Variants in DCP2 observed in about 807,000 individuals in gnomAD.
DCP2 encodes the protein m7GpppN-mRNA hydrolase.
In DCP2, 30 loss-of-function variants were observed where a neutral mutation model predicts 56.1. The observed-to-expected ratio is 0.53, with a 90% CI of 0.40 to 0.73. DCP2 has a LOEUF of 0.73. Ranked by LOEUF, DCP2 falls within the 30% of genes least tolerant of loss-of-function variation. The pLI is 0.00. For missense variants in DCP2, 533 were observed against 502.7 expected (o/e 1.06, Z -0.58); for synonymous variants, 197 against 163.3 (o/e 1.21, Z -1.57).
chr5:113,013,144 G>T (rs964635651), intron 10 of DCP2, among the ~76,000 whole-genome samples, 177 bp from the exon 11 acceptor site: 1 of 152,140 alleles, frequency 6.6e-6, no homozygotes, highest in African/African-American at 2.4e-5. Context: ...TGAAAATGCA[G>T]TTGACCACCA....
At position 113,007,982 on chromosome 5, in the gene DCP2, A is replaced by G; in HGVS notation, c.987A>G (p.Ser329=). Residue 329 remains serine (S), a synonymous_variant, in exon 9 of 11, where the codon TCA becomes TCG. Transcript: ENST00000389063. ...ATGGCAGAAAACAGTATCAAGATTC[A>G]CCTAATCAAAAGAAAAGAACAAATG... is the stretch of plus-strand genomic sequence containing the variant. ...RGNGRKQYQD[S]PNQKKRTNGL... is the part of the protein sequence containing the mutation. The G allele has an allele frequency of 6.2e-7, 1 of 1,614,078 alleles. No homozygotes were observed. The highest frequency in any genetic ancestry group is 1.1e-5 in the South Asian group (1 of 91,076).
At chr5:113,000,626 G>A (rs1749132831) in intron 4 of DCP2, among the ~76,000 whole-genome samples, 1 of 152,044 alleles carries the variant, frequency 6.6e-6, no homozygotes, top group Non-Finnish European at 1.5e-5. Context: ...TAGTTTCGAA[G>A]GAAAGGAAAA....
At chr5:113,004,473 T>C (rs1230487075) in intron 8 of DCP2, among the ~76,000 whole-genome samples, 1 of 152,250 alleles carries the variant, frequency 6.6e-6, no homozygotes, top group Admixed American at 6.5e-5. Context: ...TATTAATACT[T>C]GTTTTCCTTT....
intron 1 of DCP2, among the ~76,000 whole-genome samples, chr5:112,978,839 T>TATTTAG (rs1030978771): frequency 2.2e-4 from 33 of 152,322 alleles, no homozygotes; most frequent in African/African-American, 6.7e-4. Context: ...AAATTGAAGA[T>TATTTAG]AAGTATTTAG....
chr5:113,000,285 C>G (rs1020110361), intron 4 of DCP2, among the ~76,000 whole-genome samples: 2 of 151,874 alleles, frequency 1.3e-5, no homozygotes, highest in Non-Finnish European at 2.9e-5. Flanking sequence ...AATTACTGGT[C>G]TCGAACACCT....
intron 4 of DCP2, 49 bp from the exon 5 acceptor site, chr5:113,001,035 G>C (rs1432681613): frequency 6.6e-7 from 1 of 1,523,598 alleles, no homozygotes; most frequent in Non-Finnish European, 8.8e-7. Context: ...TAATGAACTA[G>C]AGGCCTAAGA....
intron 8 of DCP2, among the ~76,000 whole-genome samples, chr5:113,005,304 C>T (rs1202647920): frequency 6.6e-6 from 1 of 152,074 alleles, no homozygotes; most frequent in Admixed American, 6.5e-5. Flanking sequence ...GTAAAGAATT[C>T]TTAGAACTCA....
chr5:113,007,990 A>C lies in DCP2; in HGVS notation c.995A>C (p.Gln332Pro). The C allele has an allele frequency of 6.2e-7, 1 of 1,614,104 alleles. No homozygotes were observed. The highest frequency in any genetic ancestry group is 8.5e-7 in the Non-Finnish European group (1 of 1,179,958). ...AAACAGTATCAAGATTCACCTAATCAAAAGAAAAGAACAAATGGGCTTCAG... is the reference window on the plus strand; with the variant it reads ...AAACAGTATCAAGATTCACCTAATCCAAAGAAAAGAACAAATGGGCTTCAG... The part of the protein sequence containing the change: ...GRKQYQDSPN[Q>P]KKRTNGLQPA... The change falls in exon 9 of 11, where the codon CAA (glutamine) becomes CCA (proline). Residue 332 changes from glutamine (Q) to proline (P), a missense_variant. Physicochemically the swap from Gln to Pro is moderately conservative, Grantham distance 76. Around this residue, in one of 3 missense-constraint regions of DCP2, gnomAD observed 392 missense variants for 346.6 expected, o/e 1.13. Coordinates refer to ENST00000389063, the MANE Select transcript of DCP2 (RefSeq NM_152624.6).
intron 3 of DCP2, 117 bp from the exon 4 acceptor site, chr5:112,992,555 C>G (rs1004243223): frequency 3.8e-6 from 3 of 781,482 alleles, no homozygotes; most frequent in Non-Finnish European, 6.1e-6. Flanking sequence ...AGAAAATACT[C>G]TGTAAAATTA....
intron 8 of DCP2, among the ~76,000 whole-genome samples, chr5:113,007,681 G>A (rs1178424597): frequency 2.6e-5 from 4 of 152,062 alleles, no homozygotes; most frequent in African/African-American, 9.7e-5. Context: ...ACAGGCATGA[G>A]CCACTGCGCC....
In DCP2 at chr5:113,017,434, T is replaced by C. The variant is rs1387877422; in HGVS notation, c.*3950T>C. On this transcript the variant is annotated 3_prime_UTR_variant, in exon 11 of 11. Coordinates refer to ENST00000389063, the MANE Select transcript of DCP2 (RefSeq NM_152624.6). The stretch of plus-strand genomic sequence containing the variant: ...AGGTAGAGTTTCTGATTTTGTATTA[T>C]GTCCTAAGACTTGAAAGTGCATTTG... 2.0e-5 allele frequency: 3 copies of C among 152,252 alleles called. No homozygotes were observed. Among genetic ancestry groups the C allele is most frequent in the East Asian group, 1.9e-4 (1 of 5,202 alleles). 9.4% of individuals were successfully genotyped at this position (152,252 alleles called of 1,614,324 possible).
At chr5:112,980,324 C>T (rs1021919141) in intron 1 of DCP2, among the ~76,000 whole-genome samples, 1 of 152,160 alleles carries the variant, frequency 6.6e-6, no homozygotes, top group Non-Finnish European at 1.5e-5. Context: ...TTTCTGGCAA[C>T]TAGTGTTGCT....
chr5:112,978,518 C>T (rs1175266081), intron 1 of DCP2, among the ~76,000 whole-genome samples: 2 of 151,752 alleles, frequency 1.3e-5, no homozygotes, highest in African/African-American at 4.8e-5. Flanking sequence ...AGTAATAAGC[C>T]TAACGTTTTA....
intron 4 of DCP2, among the ~76,000 whole-genome samples, chr5:112,996,443 G>C (rs1041270021): frequency 2.5e-4 from 38 of 151,982 alleles, no homozygotes; most frequent in Non-Finnish European, 8.8e-5. Context: ...ATACATTTAA[G>C]TTCTACCATG....
In DCP2 at chr5:113,014,380, G is replaced by C. The variant is rs1339921466; in HGVS notation, c.*896G>C. 1 of 152,140 alleles carries C rather than the reference G, an allele frequency of 6.6e-6. No individual in the cohort carries two copies. Among genetic ancestry groups the C allele is most frequent in the Non-Finnish European group, 1.5e-5 (1 of 68,032 alleles). The allele number at this position is 152,140 out of a possible 1,614,324, so 9.4% of individuals were successfully genotyped here. A position where few individuals can be genotyped will look rare whatever the true frequency, so the allele number is the denominator to read the frequency against. On this transcript the variant is annotated 3_prime_UTR_variant, in exon 11 of 11. Transcript: ENST00000389063. ...GGTTTTACGTTGCATCTCCAGTATT[G>C]ATCTTTGGAAACTGATGTTACATTA...
At chr5:112,981,304 T>C (rs1354755501) in intron 1 of DCP2, among the ~76,000 whole-genome samples, 1 of 152,122 alleles carries the variant, frequency 6.6e-6, no homozygotes, top group Admixed American at 6.5e-5. Context: ...ACTACCATGC[T>C]GGCCCCTTTG....
rs893020319 is a variant in DCP2, at chr5:112,979,059, G to A, written c.53+2073G>A. ...TGGAACCTATTCACAAAATAATTACGTTGTATTTTGTAAACAATATGTTAA... is the reference window on the plus strand; with the variant it reads ...TGGAACCTATTCACAAAATAATTACATTGTATTTTGTAAACAATATGTTAA... On this transcript the variant is annotated intron_variant, in intron 1 of 10. Transcript: ENST00000389063. 2.7e-5 allele frequency among the ~76,000 whole-genome samples: 4 copies of A among 149,970 alleles called. No homozygotes were observed. In the South Asian group the frequency reaches 8.3e-4, roughly 31 times the overall value.
chr5:113,008,473 T>G (rs199956893), intron 9 of DCP2, among the ~76,000 whole-genome samples: 1 of 53,092 alleles, frequency 1.9e-5, no homozygotes. Flanking sequence ...TGATGACAAA[T>G]AACAAAGCAG....
chr5:112,978,651 C>T (rs1447915319), intron 1 of DCP2, among the ~76,000 whole-genome samples: 3 of 149,882 alleles, frequency 2.0e-5, no homozygotes, highest in Non-Finnish European at 4.4e-5. Flanking sequence ...TCAAATGAAC[C>T]ACTGAAAAGG....
Sources: gnomAD v4.1 joint callset for allele counts (sites outside exome capture counted in the v4.1 genomes callset) on GRCh38, gnomAD v4.1.1 for gene constraint, gnomAD v4.1.1 regional missense constraint, MANE v1.5 for transcripts, NCBI Gene and HGNC (gene_info 2026-07-23, HGNC 2026-07-21) for gene names.